The following USP9X variants were observed in gnomAD, a reference collection of about 807,000 sequenced individuals.
USP9X encodes the protein ubiquitin carboxyl-terminal hydrolase 9X.
Under a neutral mutation model 190.3 loss-of-function variants are expected in USP9X, and 7 were observed. The observed-to-expected ratio is 0.04, with a 90% CI of 0.02 to 0.07. The LOEUF is 0.07. Ranked by LOEUF, USP9X falls within the 10% of genes least tolerant of loss-of-function variation. The probability of loss-of-function intolerance (pLI) is 1.00; values close to 1 mark genes in which losing one functional copy is unlikely to be tolerated. For missense variants in USP9X, 1,010 were observed against 1,916.9 expected (o/e 0.53, Z 8.83); for synonymous variants, 645 against 659.5 (o/e 0.98, Z 0.34).
chrX:41,108,316 TCTA>T (rs1465963407), intron 1 of USP9X, among the ~76,000 whole-genome samples: 1 of 111,651 alleles, frequency 9.0e-6, no homozygotes, highest in Non-Finnish European at 1.9e-5. Context: ...CATATTAGCC[TCTA>T]CTAATTGCCT....
chrX:41,139,018 T>A (rs748741290), intron 6 of USP9X, among the ~76,000 whole-genome samples: 1 of 112,688 alleles, frequency 8.9e-6, no homozygotes, highest in South Asian at 3.6e-4. Flanking sequence ...TATTCCCAAT[T>A]GTTTAAGCAT....
chrX:41,220,552 GTAAAATATGAA>G (rs2147255928), intron 38 of USP9X, among the ~76,000 whole-genome samples: 1 of 112,460 alleles, frequency 8.9e-6, no homozygotes, highest in African/African-American at 3.2e-5. Flanking sequence ...TATTTCTACA[GTAAAATATGAA>G]TATTTATACT....
intron 6 of USP9X, among the ~76,000 whole-genome samples, chrX:41,137,633 T>G (rs2062387057): frequency 9.0e-6 from 1 of 111,147 alleles, no homozygotes; most frequent in African/African-American, 3.3e-5. Flanking sequence ...CTTGTACAAA[T>G]TTCCCTTTTT....
At chrX:41,092,535 A>G (rs1469529830) in intron 1 of USP9X, among the ~76,000 whole-genome samples, 1 of 111,838 alleles carries the variant, frequency 8.9e-6, no homozygotes, top group Admixed American at 9.5e-5. Context: ...CACAGGGATC[A>G]GTAAACTTTT....
At chrX:41,196,485 T>C in intron 27 of USP9X, 107 bp from the exon 28 acceptor site, 1 of 1,077,523 alleles carries the variant, frequency 9.3e-7, no homozygotes, top group South Asian at 2.0e-5. Context: ...AGTACTACTT[T>C]ATTTCCCGCA....
chrX:41,141,571 CTG>C (rs1290391624), intron 9 of USP9X, 140 bp downstream of exon 9: 8 of 600,856 alleles, frequency 1.3e-5, no homozygotes, highest in East Asian at 4.4e-5. Context: ...ATTTATAACT[CTG>C]TTAATCCTGA....
chrX:41,126,315 CATAA>C (rs748277221), intron 2 of USP9X, among the ~76,000 whole-genome samples: 1 of 111,836 alleles, frequency 8.9e-6, no homozygotes, highest in Non-Finnish European at 1.9e-5. Flanking sequence ...CTTCCTGTGA[CATAA>C]ATTTGTTAGC....
chrX:41,145,915 GA>G (rs1398946193), intron 11 of USP9X, among the ~76,000 whole-genome samples: 41 of 111,985 alleles, frequency 3.7e-4, no homozygotes, highest in African/African-American at 1.3e-3. Context: ...CTGCCTTATG[GA>G]AAATTTTATT....
intron 23 of USP9X, among the ~76,000 whole-genome samples, chrX:41,184,937 C>T (rs2062860293): frequency 8.9e-6 from 1 of 112,055 alleles, no homozygotes; most frequent in South Asian, 3.7e-4. Context: ...CCATATGAAT[C>T]TCTTATTAAC....
chrX:41,180,337 A>G (rs986799547), intron 21 of USP9X, among the ~76,000 whole-genome samples: 1 of 112,798 alleles, frequency 8.9e-6, no homozygotes, highest in African/African-American at 3.2e-5. Context: ...CATACTGTAA[A>G]AACACAAACC....
rs979092582 is a variant in USP9X at position 41,085,869 on chromosome X, A to AAGG, written c.-386_-384dup. The stretch of plus-strand genomic sequence containing the variant: ...AAGGGGAAGAGGGCCGTCGCCGGCC[A>AAGG]AGGAGGAGGAGGAGGCGGGCGCGGC... On this transcript the variant is annotated 5_prime_UTR_variant, in exon 1 of 45. Transcript: ENST00000378308. 1.3e-5 allele frequency: 4 copies of AAGG among 297,080 alleles called. No individual in the cohort carries two copies. The highest frequency in any genetic ancestry group is 6.1e-5 in the Admixed American group (1 of 16,409). 24.5% of individuals were successfully genotyped at this position (297,080 alleles called of 1,213,427 possible).
chrX:41,147,341 T>C (rs1417286988), intron 11 of USP9X, among the ~76,000 whole-genome samples: 1 of 111,118 alleles, frequency 9.0e-6, no homozygotes, highest in Admixed American at 9.6e-5. Context: ...TTCCTTTTGT[T>C]ATTTTGTGTA....
chrX:41,139,461 G>T, intron 6 of USP9X, among the ~76,000 whole-genome samples: 1 of 112,272 alleles, frequency 8.9e-6, no homozygotes, highest in South Asian at 3.7e-4. Flanking sequence ...AGGAGTTCAA[G>T]ACCAGCTTGG....
rs1258984608 is a variant in USP9X, at chrX:41,170,003, G to A, written c.2645G>A (p.Arg882His). ...RTILPMSRAF[R>H]GKHLSFVVRF... is the part of the protein sequence containing the mutation. ...TTTCTTTTTCCCCCCAGAGCATTCC[G>A]CGGTAAACACCTCTCTTTTGTAGTT... Residue 882 changes from arginine to histidine, a missense_variant, in exon 19 of 45, where the codon CGC (arginine) becomes CAC (histidine). By Grantham distance (29) the Arg-to-His change is conservative (BLOSUM62 0). Transcript: ENST00000378308. 6 of 1,209,477 alleles carry A rather than the reference G, an allele frequency of 5.0e-6. No homozygotes were observed. The highest frequency in any genetic ancestry group is 6.7e-6 in the Non-Finnish European group (6 of 895,035).
chrX:41,116,155 A>G (rs2062146506), intron 1 of USP9X, among the ~76,000 whole-genome samples: 2 of 112,249 alleles, frequency 1.8e-5, no homozygotes, highest in African/African-American at 3.2e-5. Context: ...GAGGCAATCA[A>G]ATCACCATTT....
intron 2 of USP9X, among the ~76,000 whole-genome samples, chrX:41,128,749 CATT>C (rs912612982): frequency 7.2e-5 from 8 of 111,491 alleles, no homozygotes; most frequent in Non-Finnish European, 1.3e-4. Flanking sequence ...CTATATAAAT[CATT>C]ATTATGCTAT....
intron 21 of USP9X, among the ~76,000 whole-genome samples, chrX:41,174,545 G>A (rs955406367): frequency 7.2e-5 from 8 of 111,840 alleles, no homozygotes; most frequent in Middle Eastern, 4.7e-3. Context: ...CAGGTTATGC[G>A]TCTTTGGCAG....
chrX:41,099,489 CAG>C (rs1313097719), intron 1 of USP9X, among the ~76,000 whole-genome samples: 1 of 110,807 alleles, frequency 9.0e-6, no homozygotes, highest in African/African-American at 3.3e-5. Context: ...TATTATCAGT[CAG>C]TGTTTCTAAT....
chrX:41,146,890 A>G (rs541311250), intron 11 of USP9X, among the ~76,000 whole-genome samples: 24 of 109,823 alleles, frequency 2.2e-4, no homozygotes, highest in African/African-American at 7.3e-4. Flanking sequence ...TGTAGTTTGT[A>G]TGTCTAAAAG....
Sources: gnomAD v4.1 joint callset for allele counts (sites outside exome capture counted in the v4.1 genomes callset) on GRCh38, gnomAD v4.1.1 for gene constraint, MANE v1.5 for transcripts, NCBI Gene and HGNC (gene_info 2026-07-23, HGNC 2026-07-21) for gene names.